The following CPLX1 variants were observed in gnomAD, a reference collection of about 807,000 sequenced individuals.
CPLX1 encodes complexin-1.
CPLX1 carries 6 observed loss-of-function variants against 15.6 expected under a neutral mutation model. The observed-to-expected ratio is 0.39, with a 90% CI of 0.21 to 0.76. The LOEUF is 0.76. Ranked by LOEUF, CPLX1 falls within the 30% of genes least tolerant of loss-of-function variation. The pLI is 0.43. For synonymous variants in CPLX1, 91 were observed against 75.2 expected (o/e 1.21, Z -1.08); for missense variants, 242 against 188.6 (o/e 1.28, Z -1.66).
At chr4:825,868 GGCCGGGGGGAGGA>G in intron 1 of CPLX1, among the ~76,000 whole-genome samples, 165 bp downstream of exon 1, 1 of 134,314 alleles carries the variant, frequency 7.4e-6, no homozygotes, top group Non-Finnish European at 1.6e-5. Flanking sequence ...GGGGAGCGGA[GGCCGGGGGGAGGA>G]GCTGGGCGAA....
chr4:815,675 G>A (rs527707753), intron 2 of CPLX1, among the ~76,000 whole-genome samples: 3 of 152,304 alleles, frequency 2.0e-5, no homozygotes, highest in Non-Finnish European at 2.9e-5. Context: ...GTTATTGTAA[G>A]TTCCACAGTA....
intron 2 of CPLX1, among the ~76,000 whole-genome samples, chr4:810,339 AC>A (rs1746643951): frequency 1.3e-5 from 2 of 152,060 alleles, no homozygotes; most frequent in Admixed American, 1.3e-4. Flanking sequence ...GTGAGCCACC[AC>A]GCCCGGCCTT....
At chr4:791,498 T>C (rs1457306260) in intron 3 of CPLX1, among the ~76,000 whole-genome samples, 1 of 152,080 alleles carries the variant, frequency 6.6e-6, no homozygotes, top group African/African-American at 2.4e-5. Context: ...GAGCTCCAGC[T>C]TCCCCACAAC....
At chr4:788,713 G>C (rs1323148290) in intron 3 of CPLX1, among the ~76,000 whole-genome samples, 1 of 152,208 alleles carries the variant, frequency 6.6e-6, no homozygotes, top group Non-Finnish European at 1.5e-5. Flanking sequence ...GTGGGGCCAG[G>C]GGTGTGCTGG....
At chr4:810,140 C>A (rs1173047373) in intron 2 of CPLX1, among the ~76,000 whole-genome samples, 1 of 151,128 alleles carries the variant, frequency 6.6e-6, no homozygotes, top group Non-Finnish European at 1.5e-5. Context: ...AGCTCCGCCT[C>A]CTGGGCTCAC....
chr4:788,048 A>T (rs1201495240), intron 3 of CPLX1: 1 of 985,172 alleles, frequency 1.0e-6, no homozygotes, highest in Non-Finnish European at 1.2e-6. Flanking sequence ...TTAGGAGGGG[A>T]GTGGGCACCA....
intron 2 of CPLX1, among the ~76,000 whole-genome samples, chr4:810,710 T>C (rs1746652597): frequency 6.6e-6 from 1 of 152,108 alleles, no homozygotes. Context: ...CTTTTTTTTT[T>C]TTCGAGATGG....
chr4:792,574 A>T lies in CPLX1; in HGVS notation c.66T>A (p.Gly22=). ...ATKDMGKMLG[G]DEEKDPDAAK... is the part of the protein sequence containing the mutation. ...CGGCGTCTGGGTCCTTCTCCTCGTC[A>T]CCCCCCAGCATCTTCCCCATGTCCT... The change falls in exon 3 of 4, where the codon GGT becomes GGA. Residue 22 remains glycine, a synonymous_variant. Transcript: ENST00000304062. 6.2e-7 allele frequency: 1 copy of T among 1,604,424 alleles called. No homozygotes were observed.
chr4:800,399 C>G (rs369805021), intron 2 of CPLX1, among the ~76,000 whole-genome samples: 1 of 151,742 alleles, frequency 6.6e-6, no homozygotes, highest in African/African-American at 2.4e-5. Context: ...CTTTGGGAGG[C>G]CAAGGCGGGC....
At chr4:793,738 C>T (rs939716317) in intron 2 of CPLX1, among the ~76,000 whole-genome samples, 6 of 152,234 alleles carry the variant, frequency 3.9e-5, no homozygotes, top group Non-Finnish European at 8.8e-5. Context: ...CGCGGCCACC[C>T]GGCCCCCTCT....
intron 3 of CPLX1, chr4:787,047 G>T (rs945916020): frequency 1.0e-6 from 1 of 985,314 alleles, no homozygotes; most frequent in African/African-American, 1.7e-5. Context: ...CCCGGGGCAG[G>T]GAGGGGTGGG....
rs576138231 is a variant in CPLX1, at chr4:803,413, C to A, written c.32-10805G>T. Among the ~76,000 whole-genome samples the A allele has an allele frequency of 2.6e-5, 4 of 151,746 alleles. No homozygotes were observed. In the South Asian group the frequency reaches 8.3e-4, roughly 32 times the overall value. On this transcript the variant is annotated intron_variant, in intron 2 of 3. Transcript: ENST00000304062. ...CTTTTCTTTCCTTTTTTTTTTGAGA[C>A]GGAATCTCGCTCTGTCGCCCAGGCT... is the stretch of plus-strand genomic sequence containing the variant.
intron 2 of CPLX1, among the ~76,000 whole-genome samples, chr4:812,849 G>A (rs1369557525): frequency 1.3e-5 from 2 of 152,132 alleles, no homozygotes; most frequent in African/African-American, 2.4e-5. Flanking sequence ...ATGTCCTAAC[G>A]CTGGCCGTCC....
chr4:791,698 G>C (rs891734661), intron 3 of CPLX1, among the ~76,000 whole-genome samples: 1 of 152,172 alleles, frequency 6.6e-6, no homozygotes, highest in Non-Finnish European at 1.5e-5. Flanking sequence ...CACAGCTTCC[G>C]GCCTGCTGGG....
intron 2 of CPLX1, among the ~76,000 whole-genome samples, chr4:798,067 G>T (rs1746379086): frequency 6.6e-6 from 1 of 152,162 alleles, no homozygotes; most frequent in Non-Finnish European, 1.5e-5. Context: ...CTGAGCTCAG[G>T]AGTTCAAGAC....
intron 2 of CPLX1, among the ~76,000 whole-genome samples, chr4:823,073 A>ACAT (rs1291499003): frequency 6.6e-6 from 1 of 152,214 alleles, no homozygotes; most frequent in Non-Finnish European, 1.5e-5. Context: ...TCAGTCATGT[A>ACAT]GACAGCCAAA....
At chr4:789,097 G>C (rs1337307861) in intron 3 of CPLX1, among the ~76,000 whole-genome samples, 1 of 152,258 alleles carries the variant, frequency 6.6e-6, no homozygotes, top group Non-Finnish European at 1.5e-5. Flanking sequence ...GTCATTCTGA[G>C]GCTGAGGTCA....
rs1205381951 is a variant in CPLX1 at position 810,059 on chromosome 4, T to TC, written c.31+14432_31+14433insG. On this transcript the variant is annotated intron_variant, in intron 2 of 3. Coordinates refer to ENST00000304062, the MANE Select transcript of CPLX1 (RefSeq NM_006651.4). Reference sequence around the variant, plus strand: ...GGATCTGCACTTTCTTTTTTTTTTTTTTTTTTTTGAGATGGAGTCTCGCTT... The same window carrying TC: ...GGATCTGCACTTTCTTTTTTTTTTTTCTTTTTTTTGAGATGGAGTCTCGCTT... Among the ~76,000 whole-genome samples the TC allele has an allele frequency of 1.9e-4, 28 of 148,738 alleles. No individual in the cohort carries two copies. In the East Asian group the frequency reaches 5.3e-3, roughly 28 times the overall value.
chr4:824,350 T>G, intron 2 of CPLX1, 142 bp downstream of exon 2: 1 of 759,074 alleles, frequency 1.3e-6, no homozygotes, highest in Non-Finnish European at 2.2e-6. Context: ...CTTGCTCCTC[T>G]GCCCCAGGCT....
Sources: allele counts gnomAD v4.1 joint callset (sites outside exome capture counted in the v4.1 genomes callset), GRCh38; gene constraint gnomAD v4.1.1; transcripts MANE v1.5; gene names NCBI Gene and HGNC (gene_info 2026-07-23, HGNC 2026-07-21).